The following GRHL2 variants were observed in gnomAD, a reference collection of about 807,000 sequenced individuals.
GRHL2 encodes grainyhead like transcription factor 2.
GRHL2 carries 21 observed loss-of-function variants against 83.8 expected under a neutral mutation model. That is an observed-to-expected ratio of 0.25 (90% confidence interval 0.18 to 0.36). The LOEUF (loss-of-function observed/expected upper bound fraction) is 0.36, where lower values mean the gene tolerates loss of function less well. Ranked by LOEUF, GRHL2 falls within the 10% of genes least tolerant of loss-of-function variation. The pLI is 1.00. For missense variants in GRHL2, 623 were observed against 781.8 expected (o/e 0.80, Z 2.42); for synonymous variants, 280 against 278.9 (o/e 1.00, Z -0.04).
intron 1 of GRHL2, among the ~76,000 whole-genome samples, chr8:101,537,059 G>A (rs760006519): frequency 4.6e-5 from 7 of 152,012 alleles, no homozygotes; most frequent in Non-Finnish European, 1.0e-4. Flanking sequence ...GTTAGTTTAA[G>A]GATAATAACC....
At chr8:101,619,210 G>A (rs958466995) in intron 8 of GRHL2, among the ~76,000 whole-genome samples, 5 of 152,070 alleles carry the variant, frequency 3.3e-5, no homozygotes, top group South Asian at 2.1e-4. Flanking sequence ...CTGAGATCAC[G>A]CCACTGCACT....
the GRHL2 span, among the ~76,000 whole-genome samples, chr8:101,675,678 A>G: frequency 6.6e-6 from 1 of 152,164 alleles, no homozygotes; most frequent in East Asian, 1.9e-4. Flanking sequence ...CAAGCTACCA[A>G]TGACTTTCTT....
intron 9 of GRHL2, among the ~76,000 whole-genome samples, chr8:101,620,327 T>C (rs1812940339): frequency 6.6e-6 from 1 of 152,204 alleles, no homozygotes; most frequent in African/African-American, 2.4e-5. Flanking sequence ...TAATACATTG[T>C]GCTATAAGTT....
downstream of GRHL2, among the ~76,000 whole-genome samples, chr8:101,672,011 A>T (rs1165327961): frequency 6.6e-6 from 1 of 151,932 alleles, no homozygotes; most frequent in Non-Finnish European, 1.5e-5. Flanking sequence ...TTAGAAGGAA[A>T]ACTAACAAAC....
chr8:101,531,644 A>T (rs1332427046), intron 1 of GRHL2, among the ~76,000 whole-genome samples: 1 of 152,148 alleles, frequency 6.6e-6, no homozygotes, highest in Non-Finnish European at 1.5e-5. Flanking sequence ...CCATTTTTAA[A>T]TTCTTTTCTT....
At chr8:101,643,945 G>A (rs553336697) in intron 12 of GRHL2, among the ~76,000 whole-genome samples, 186 bp from the exon 13 acceptor site, 1 of 152,358 alleles carries the variant, frequency 6.6e-6, no homozygotes, top group African/African-American at 2.4e-5. Context: ...AGATAGTGGT[G>A]TGTGTGCTGC....
intron 1 of GRHL2, among the ~76,000 whole-genome samples, chr8:101,508,730 C>T (rs73701912): frequency 0.018 from 2,665 of 152,146 alleles, 76 homozygotes; most frequent in African/African-American, 0.06. Context: ...TACATCCAAA[C>T]GACAACAAAT....
chr8:101,624,878 G>A (rs1007654383), intron 9 of GRHL2, among the ~76,000 whole-genome samples: 1 of 152,052 alleles, frequency 6.6e-6, no homozygotes, highest in Non-Finnish European at 1.5e-5. Context: ...ATCTAGGCCT[G>A]ATTTCAAACT....
rs3029438 is a variant in GRHL2, at chr8:101,636,724, T to TACACAC, written c.1486-136_1486-131dup. 0.092 allele frequency: 44,300 copies of TACACAC among 480,568 alleles called. 1,006 individuals carry two copies. The highest frequency in any genetic ancestry group is 0.11 in the Non-Finnish European group (28,069 of 264,900). 29.8% of individuals were successfully genotyped at this position (480,568 alleles called of 1,614,324 possible). On this transcript the variant is annotated intron_variant, in intron 11 of 15. Coordinates refer to ENST00000646743, the MANE Select transcript of GRHL2 (RefSeq NM_024915.4). ...ACTTAAATATGCATTTCCTTAGAAA[T>TACACAC]ACACACACACACACACACACACACA...
intron 8 of GRHL2, among the ~76,000 whole-genome samples, chr8:101,604,952 T>C (rs7819613): frequency 0.51 from 77,405 of 152,078 alleles, 21,611 homozygotes; most frequent in African/African-American, 0.74. Context: ...CTTTCCTGAG[T>C]GATGTCTATC....
At chr8:101,545,347 T>C (rs1156987373) in intron 2 of GRHL2, among the ~76,000 whole-genome samples, 3 of 150,048 alleles carry the variant, frequency 2.0e-5, no homozygotes, top group African/African-American at 4.9e-5. Context: ...GACCTTAACT[T>C]TGGGGGACTT....
chr8:101,613,517 A>G (rs1225241426), intron 8 of GRHL2, among the ~76,000 whole-genome samples: 1 of 150,982 alleles, frequency 6.6e-6, no homozygotes, highest in African/African-American at 2.5e-5. Flanking sequence ...TGATGAATAC[A>G]TGCATAAAAA....
chr8:101,522,562 A>G (rs953269991), intron 1 of GRHL2, among the ~76,000 whole-genome samples: 31 of 152,200 alleles, frequency 2.0e-4, no homozygotes, highest in Admixed American at 1.0e-3. Flanking sequence ...GGGAAATGGT[A>G]TAACCTCTCT....
intron 6 of GRHL2, among the ~76,000 whole-genome samples, chr8:101,574,379 C>A (rs1385780809): frequency 6.6e-6 from 1 of 152,202 alleles, no homozygotes; most frequent in African/African-American, 2.4e-5. Context: ...AACTGGCTCT[C>A]CCTTCTCTGG....
intron 4 of GRHL2, among the ~76,000 whole-genome samples, chr8:101,559,488 C>G (rs1236113870): frequency 6.6e-6 from 1 of 151,986 alleles, no homozygotes; most frequent in Non-Finnish European, 1.5e-5. Context: ...CGAGATCATG[C>G]CACTGCACTC....
intron 4 of GRHL2, among the ~76,000 whole-genome samples, chr8:101,568,337 A>C (rs1255965019): frequency 6.6e-6 from 1 of 152,196 alleles, no homozygotes; most frequent in Admixed American, 6.5e-5. Context: ...ATTTGTACTC[A>C]TCGTTTTTGT....
chr8:101,509,117 CCTTCCTTCCTTCCTTCCTTCCTTCCT>C (rs1810400473), intron 1 of GRHL2, among the ~76,000 whole-genome samples: 2 of 57,848 alleles, frequency 3.5e-5, no homozygotes, highest in African/African-American at 1.1e-4. Context: ...CTCCTTCCTT[CCTTCCTTCCTTCCTTCCTTCCTTCCT>C]TCCTTCCTTC....
downstream of GRHL2, among the ~76,000 whole-genome samples, chr8:101,673,789 T>C (rs530384980): frequency 1.3e-5 from 2 of 152,044 alleles, no homozygotes; most frequent in Admixed American, 6.6e-5. Flanking sequence ...TATTCCAAAA[T>C]TGACCACATA....
At chr8:101,557,629 A>G (rs940323887) in intron 3 of GRHL2, among the ~76,000 whole-genome samples, 5 of 152,166 alleles carry the variant, frequency 3.3e-5, no homozygotes, top group African/African-American at 1.2e-4. Context: ...AGATCCAAAC[A>G]AGAGCTGCTT....
Sources: gnomAD v4.1 joint callset for allele counts (sites outside exome capture counted in the v4.1 genomes callset) on GRCh38, gnomAD v4.1.1 for gene constraint, MANE v1.5 for transcripts, NCBI Gene and HGNC (gene_info 2026-07-23, HGNC 2026-07-21) for gene names.